Variants in HERC4 observed in about 807,000 individuals in gnomAD.
HERC4 encodes the protein HECT and RLD domain containing E3 ubiquitin protein ligase 4, also known as probable E3 ubiquitin-protein ligase HERC4.
A neutral mutation model predicts 124.3 loss-of-function variants in HERC4; 28 were observed. The observed-to-expected ratio is 0.23, with a 90% CI of 0.17 to 0.31. HERC4 has a LOEUF of 0.31. Among genes scored for constraint, HERC4 ranks in the 10% least tolerant of loss-of-function variants. The probability of loss-of-function intolerance (pLI) is 1.00; values close to 1 mark genes in which losing one functional copy is unlikely to be tolerated. For synonymous variants in HERC4, 407 were observed against 421.5 expected (o/e 0.97, Z 0.42); for missense variants, 713 against 1,229.3 (o/e 0.58, Z 6.28).
rs552467288 is a variant in HERC4, at chr10:67,964,178, TTC to T, written c.1926+2503_1926+2504del. Among the ~76,000 whole-genome samples the T allele has an allele frequency of 2.2e-3, 337 of 150,472 alleles. 1 individual carries two copies. Among genetic ancestry groups the T allele is most frequent in the African/African-American group, 7.6e-3 (312 of 41,300 alleles). Reference sequence around the variant, plus strand: ...TGTTACTGCTTCCTTACCTCTAAATTTCTCTTTACAACATCCCAACCCAAGAA... The same window carrying T: ...TGTTACTGCTTCCTTACCTCTAAATTTCTTTACAACATCCCAACCCAAGAA... On this transcript the variant is annotated intron_variant, in intron 16 of 24. Transcript: ENST00000373700.
In HERC4 at chr10:67,989,882, A is replaced by T. The variant is rs573141225; in HGVS notation, c.1633+329T>A. ...TAAAGCCCATGTTTGTTCAGTTTTA[A>T]TTGTTCCTCCTCCTTTACTTCTTTA... On this transcript the variant is annotated intron_variant, in intron 14 of 24. Coordinates refer to ENST00000373700, the MANE Select transcript of HERC4 (RefSeq NM_015601.4). Among the ~76,000 whole-genome samples the T allele has an allele frequency of 3.9e-4, 60 of 151,924 alleles. No homozygotes were observed. The Middle Eastern group carries it at 0.01, about 26-fold the overall frequency.
chr10:68,018,224 C>T (rs1259751919), intron 8 of HERC4, among the ~76,000 whole-genome samples: 1 of 142,284 alleles, frequency 7.0e-6, no homozygotes, highest in Non-Finnish European at 1.5e-5. Flanking sequence ...AAGCTGTTAA[C>T]TAGAAAAAAA....
At position 68,044,399 on chromosome 10, in the gene HERC4, G is replaced by A. The variant is rs981682535; in HGVS notation, c.386+5C>T. 3.7e-6 allele frequency: 6 copies of A among 1,603,212 alleles called. No individual in the cohort carries two copies. Among genetic ancestry groups the A allele is most frequent in the Non-Finnish European group, 5.1e-6 (6 of 1,177,104 alleles). On this transcript the variant is annotated splice_donor_5th_base_variant and intron_variant, in intron 4 of 24. Coordinates refer to ENST00000373700, the MANE Select transcript of HERC4 (RefSeq NM_015601.4). ...TAAGGACCTCTTTCTGGTCACCTTT[G>A]TTACCTGGGTACTCTGATGCATTCC... is the stretch of plus-strand genomic sequence containing the variant.
At position 67,991,031 on chromosome 10, in the gene HERC4, GA is replaced by G. The variant is rs5785841; in HGVS notation, c.1332-17del. On this transcript the variant is annotated splice_polypyrimidine_tract_variant and intron_variant, in intron 12 of 24. Transcript: ENST00000373700. Reference sequence around the variant, plus strand: ...ATCATCATTGCTAAAAAACAGAAAAGAAAAAAAAAAATAGAATAAAAATTTA... The same window carrying G: ...ATCATCATTGCTAAAAAACAGAAAAGAAAAAAAAAATAGAATAAAAATTTA... 994,072 of 1,030,468 alleles carry G rather than the reference GA, an allele frequency of 0.96. 478,839 individuals carry two copies. Among genetic ancestry groups the G allele is most frequent in the African/African-American group, 0.98 (58,724 of 59,698 alleles). 63.8% of individuals were successfully genotyped at this position (1,030,468 alleles called of 1,614,324 possible). A position where few individuals can be genotyped will look rare whatever the true frequency, so the allele number is the denominator to read the frequency against.
intron 16 of HERC4, chr10:67,959,208 A>G: frequency 7.3e-7 from 1 of 1,373,040 alleles, no homozygotes; most frequent in Non-Finnish European, 1.0e-6. Context: ...AACTATTTCT[A>G]TTCAAGGTAG....
At chr10:67,932,530 T>A in intron 23 of HERC4, 67 bp downstream of exon 23, 1 of 1,418,298 alleles carries the variant, frequency 7.1e-7, no homozygotes. Flanking sequence ...AAATAATACA[T>A]AAAAAGGCAA....
chr10:67,970,152 T>C (rs1202300759), intron 15 of HERC4, among the ~76,000 whole-genome samples: 1 of 109,930 alleles, frequency 9.1e-6, no homozygotes, highest in Admixed American at 1.1e-4. Context: ...AAATTAAAAA[T>C]TCAATTCCAG....
At chr10:68,000,576 CAA>C (rs34603437) in intron 9 of HERC4, among the ~76,000 whole-genome samples, 8 of 138,200 alleles carry the variant, frequency 5.8e-5, no homozygotes, top group African/African-American at 1.1e-4. Context: ...CAGACTGTCT[CAA>C]AAAAAAAAAA....
chr10:68,073,174 A>G lies in HERC4; in HGVS notation c.-66T>C. On this transcript the variant is annotated 5_prime_UTR_variant, in exon 3 of 25. Transcript: ENST00000373700. ...CTCTTCTGAAACCCCGGAAAGTTGG[A>G]GGTACCCTATGTCTGAGGAAATAGA... The G allele has an allele frequency of 7.9e-7, 1 of 1,263,810 alleles. No individual in the cohort carries two copies. Among genetic ancestry groups the G allele is most frequent in the Non-Finnish European group, 1.1e-6 (1 of 884,166 alleles). The allele number at this position is 1,263,810 out of a possible 1,614,324, so 78.3% of individuals were successfully genotyped here.
At chr10:67,955,852 A>G (rs888174265) in intron 17 of HERC4, 3 of 152,222 alleles carry the variant, frequency 2.0e-5, no homozygotes, top group Non-Finnish European at 4.4e-5. Flanking sequence ...CTAAGTGATC[A>G]TGGTATGTGC....
intron 9 of HERC4, chr10:68,008,135 A>G (rs2037695161): frequency 6.6e-6 from 1 of 152,150 alleles, no homozygotes; most frequent in Non-Finnish European, 1.5e-5. Context: ...ACTCTCCCCC[A>G]AACAAATGAA....
intron 20 of HERC4, among the ~76,000 whole-genome samples, chr10:67,940,100 G>T (rs1379425669): frequency 1.3e-5 from 2 of 151,950 alleles, no homozygotes; most frequent in Non-Finnish European, 2.9e-5. Flanking sequence ...GCTAATTTTT[G>T]TATTTTTAGT....
chr10:67,946,086 C>T (rs1420004482), intron 19 of HERC4, among the ~76,000 whole-genome samples: 1 of 151,890 alleles, frequency 6.6e-6, no homozygotes, highest in Non-Finnish European at 1.5e-5. Context: ...AACTCCATCT[C>T]TATACAAAAT....
chr10:67,985,777 T>C (rs1379367100), intron 15 of HERC4, among the ~76,000 whole-genome samples: 1 of 152,204 alleles, frequency 6.6e-6, no homozygotes, highest in Non-Finnish European at 1.5e-5. Context: ...TATGATGCCA[T>C]TTGGAGCACT....
intron 9 of HERC4, among the ~76,000 whole-genome samples, chr10:67,997,828 CAT>C (rs1332909961): frequency 6.6e-6 from 1 of 152,152 alleles, no homozygotes; most frequent in Non-Finnish European, 1.5e-5. Context: ...GTGGAAGAAA[CAT>C]AGTCGGCCCT....
intron 3 of HERC4, among the ~76,000 whole-genome samples, chr10:68,059,471 T>C (rs574558102): frequency 1.9e-4 from 24 of 128,810 alleles, no homozygotes; most frequent in Middle Eastern, 3.7e-3. Context: ...TAATATTATA[T>C]ATTATAATAT....
intron 15 of HERC4, among the ~76,000 whole-genome samples, chr10:67,986,384 A>C (rs1419515408): frequency 6.6e-6 from 1 of 152,024 alleles, no homozygotes; most frequent in Non-Finnish European, 1.5e-5. Flanking sequence ...ACGGAGTCTC[A>C]CTCTTTTGCC....
At chr10:67,998,745 T>C (rs1028152574) in intron 9 of HERC4, among the ~76,000 whole-genome samples, 27 of 152,298 alleles carry the variant, frequency 1.8e-4, no homozygotes, top group African/African-American at 6.5e-4. Flanking sequence ...ACCCATGTAG[T>C]TGTTTTTTTC....
chr10:67,983,914 G>C (rs987701109), intron 15 of HERC4, among the ~76,000 whole-genome samples: 1 of 152,016 alleles, frequency 6.6e-6, no homozygotes, highest in Admixed American at 6.6e-5. Context: ...AGTGAGCTGA[G>C]ACTGTGCCAC....
Sources: gnomAD v4.1 joint callset for allele counts (sites outside exome capture counted in the v4.1 genomes callset) on GRCh38, gnomAD v4.1.1 for gene constraint, MANE v1.5 for transcripts, NCBI Gene and HGNC (gene_info 2026-07-23, HGNC 2026-07-21) for gene names.